Variants in ENOX1 observed in about 807,000 individuals in gnomAD.
The protein encoded by ENOX1 is ecto-NOX disulfide-thiol exchanger 1.
In ENOX1, 42 loss-of-function variants were observed where a neutral mutation model predicts 82.5. That is an observed-to-expected ratio of 0.51 (90% confidence interval 0.40 to 0.66). The LOEUF is 0.66. Ranked by LOEUF, ENOX1 falls within the 30% of genes least tolerant of loss-of-function variation. The pLI, the probability that ENOX1 is intolerant of heterozygous loss-of-function variation, is 0.00. For synonymous variants in ENOX1, 271 were observed against 282.2 expected, an observed-to-expected ratio of 0.96 and a Z score of 0.40; for missense variants, 608 against 811.6, an observed-to-expected ratio of 0.75 and a Z score of 3.05.
At chr13:43,632,012 T>C (rs7985489) in intron 2 of ENOX1, among the ~76,000 whole-genome samples, 108,345 of 152,052 alleles carry the variant, frequency 0.71, 38,827 homozygotes, top group East Asian at 0.95. Context: ...CACCCAATAT[T>C]CATCAGCTGT....
At chr13:43,680,293 G>A (rs1457943026) in intron 1 of ENOX1, among the ~76,000 whole-genome samples, 2 of 152,138 alleles carry the variant, frequency 1.3e-5, no homozygotes, top group South Asian at 2.1e-4. Flanking sequence ...CAAATAACAA[G>A]TCAAATATTT....
At chr13:43,427,751 T>C (rs1434479824) in intron 3 of ENOX1, among the ~76,000 whole-genome samples, 1 of 152,178 alleles carries the variant, frequency 6.6e-6, no homozygotes, top group Non-Finnish European at 1.5e-5. Flanking sequence ...CCAGCAGACA[T>C]GAACTTGCTA....
chr13:43,756,960 CAAA>C (rs200423482), intron 1 of ENOX1, among the ~76,000 whole-genome samples: 2,232 of 92,710 alleles, frequency 0.024, 565 homozygotes, highest in Middle Eastern at 0.036. Flanking sequence ...TCAACAACAA[CAAA>C]AACAACAACA....
At chr13:43,740,812 G>A (rs1252311591) in intron 1 of ENOX1, among the ~76,000 whole-genome samples, 1 of 152,150 alleles carries the variant, frequency 6.6e-6, no homozygotes, top group Non-Finnish European at 1.5e-5. Flanking sequence ...TGTAGCACGT[G>A]CCAGTACTTC....
intron 3 of ENOX1, among the ~76,000 whole-genome samples, chr13:43,434,937 G>GTTTTTT (rs537775258): frequency 1.1e-4 from 8 of 75,890 alleles, no homozygotes; most frequent in Admixed American, 3.1e-4. Flanking sequence ...TGTGTGTGTG[G>GTTTTTT]TTTTTTTTTT....
At chr13:43,293,545 C>G (rs1388426253) in intron 12 of ENOX1, among the ~76,000 whole-genome samples, 2 of 152,172 alleles carry the variant, frequency 1.3e-5, no homozygotes, top group Non-Finnish European at 2.9e-5. Context: ...ATCACCACCA[C>G]CCCTAACATT....
rs77245988 is a variant in ENOX1 at position 43,400,939 on chromosome 13, T to C, written c.208+10977A>G. 3.3e-5 allele frequency among the ~76,000 whole-genome samples: 5 copies of C among 152,302 alleles called. No homozygotes were observed. The East Asian group carries it at 9.7e-4, about 29-fold the overall frequency. On this transcript the variant is annotated intron_variant, in intron 5 of 16. Transcript: ENST00000690772. ...TAGAAACACTTTAGGCAGATAGACC[T>C]GGTTATCAATTCCAGCACTGTTTCC...
intron 2 of ENOX1, among the ~76,000 whole-genome samples, chr13:43,651,292 T>C (rs1480277483): frequency 6.6e-6 from 1 of 151,820 alleles, no homozygotes; most frequent in Non-Finnish European, 1.5e-5. Context: ...GGAACAGGGA[T>C]GAAGAGGGAA....
chr13:43,747,775 T>A (rs1177439137), intron 1 of ENOX1, among the ~76,000 whole-genome samples: 1 of 152,190 alleles, frequency 6.6e-6, no homozygotes, highest in African/African-American at 2.4e-5. Context: ...GATTCAGCAA[T>A]ACCCTCTGGA....
intron 1 of ENOX1, among the ~76,000 whole-genome samples, chr13:43,763,445 T>G (rs1018832466): frequency 6.6e-6 from 1 of 152,094 alleles, no homozygotes; most frequent in Non-Finnish European, 1.5e-5. Flanking sequence ...TGGATTAGGA[T>G]TTAAACACAT....
At chr13:43,582,928 A>C (rs957610323) in intron 2 of ENOX1, among the ~76,000 whole-genome samples, 1 of 152,148 alleles carries the variant, frequency 6.6e-6, no homozygotes, top group Non-Finnish European at 1.5e-5. Flanking sequence ...TATTACACTA[A>C]TTATCACACA....
intron 1 of ENOX1, among the ~76,000 whole-genome samples, chr13:43,770,686 T>TACACACACACACAC (rs149111203): frequency 1.4e-5 from 2 of 146,140 alleles, no homozygotes; most frequent in Admixed American, 6.9e-5. Context: ...TACGTATGTG[T>TACACACACACACAC]ACACACACAC....
intron 5 of ENOX1, among the ~76,000 whole-genome samples, chr13:43,368,961 T>C (rs2051029607): frequency 6.6e-6 from 1 of 152,086 alleles, no homozygotes; most frequent in Admixed American, 6.5e-5. Flanking sequence ...GAGTTCTCTG[T>C]CTCTCCAGCA....
chr13:43,440,483 T>C (rs2056300620), intron 3 of ENOX1, among the ~76,000 whole-genome samples: 1 of 152,162 alleles, frequency 6.6e-6, no homozygotes, highest in South Asian at 2.1e-4. Context: ...TAAAGACATT[T>C]TACTGCCCTG....
intron 2 of ENOX1, among the ~76,000 whole-genome samples, chr13:43,526,430 C>T (rs1015738406): frequency 5.3e-5 from 8 of 152,070 alleles, no homozygotes; most frequent in South Asian, 4.2e-4. Flanking sequence ...AAAGCAAAAA[C>T]GTTTCTAAAT....
intron 1 of ENOX1, among the ~76,000 whole-genome samples, chr13:43,736,788 G>A (rs2089654183): frequency 6.6e-6 from 1 of 152,154 alleles, no homozygotes; most frequent in South Asian, 2.1e-4. Context: ...AGAAGTGGAA[G>A]GGGTGGGGCT....
intron 1 of ENOX1, among the ~76,000 whole-genome samples, chr13:43,745,983 T>C (rs1388303524): frequency 1.3e-5 from 2 of 152,120 alleles, no homozygotes; most frequent in Non-Finnish European, 2.9e-5. Context: ...TATTCAGCCT[T>C]GGGTATGTCT....
At chr13:43,366,979 AAT>A (rs1173934582) in intron 5 of ENOX1, among the ~76,000 whole-genome samples, 1 of 149,214 alleles carries the variant, frequency 6.7e-6, no homozygotes, top group Non-Finnish European at 1.5e-5. Context: ...ACCTTATATA[AAT>A]ATGTTAGTAA....
chr13:43,727,490 A>G (rs1183063985), intron 1 of ENOX1, among the ~76,000 whole-genome samples: 1 of 152,198 alleles, frequency 6.6e-6, no homozygotes, highest in East Asian at 1.9e-4. Context: ...AGTTTGTTTT[A>G]GGCATGGGGT....
Sources: allele counts gnomAD v4.1 joint callset (sites outside exome capture counted in the v4.1 genomes callset), GRCh38; gene constraint gnomAD v4.1.1; transcripts MANE v1.5; gene names NCBI Gene and HGNC (gene_info 2026-07-23, HGNC 2026-07-21).